Variants in NAV2 observed in about 807,000 individuals in gnomAD.
NAV2 encodes neuron navigator 2, also known as helicase, APC down-regulated 1.
NAV2 carries 54 observed loss-of-function variants against 223.2 expected under a neutral mutation model. The observed-to-expected ratio is 0.24, with a 90% confidence interval of 0.19 to 0.30. The LOEUF is 0.30. NAV2 is among the 10% of genes least tolerant of loss of function. The pLI is 1.00. For missense variants in NAV2, 2,806 were observed against 3,147.5 expected (o/e 0.89, Z 2.60); for synonymous variants, 1,279 against 1,239.3 (o/e 1.03, Z -0.67).
At chr11:19,848,994 G>A (rs1181953716) in intron 3 of NAV2, among the ~76,000 whole-genome samples, 3 of 152,168 alleles carry the variant, frequency 2.0e-5, no homozygotes, top group African/African-American at 7.2e-5. Flanking sequence ...AAATGTGGAA[G>A]AGAACAACAC....
At chr11:20,002,667 C>T (rs1458117890) in intron 11 of NAV2, among the ~76,000 whole-genome samples, 1 of 152,084 alleles carries the variant, frequency 6.6e-6, no homozygotes, top group East Asian at 1.9e-4. Context: ...TCTGGGAAAT[C>T]CTATCGTTGA....
At chr11:19,864,837 T>A (rs2061992823) in intron 3 of NAV2, among the ~76,000 whole-genome samples, 1 of 152,160 alleles carries the variant, frequency 6.6e-6, no homozygotes, top group Admixed American at 6.5e-5. Flanking sequence ...CTGCCCCTTT[T>A]CTTTACCTCC....
chr11:19,464,493 C>T (rs1852279124), intron 1 of NAV2, among the ~76,000 whole-genome samples: 1 of 152,198 alleles, frequency 6.6e-6, no homozygotes, highest in Non-Finnish European at 1.5e-5. Context: ...TCAGACTTGT[C>T]CTACTCCTGG....
At chr11:19,601,972 C>A (rs776865820) in intron 1 of NAV2, among the ~76,000 whole-genome samples, 4 of 152,154 alleles carry the variant, frequency 2.6e-5, no homozygotes, top group Non-Finnish European at 5.9e-5. Flanking sequence ...CAGCTCTGAG[C>A]CTAGATGACC....
chr11:19,812,409 T>A (rs571331325), intron 1 of NAV2, among the ~76,000 whole-genome samples: 1 of 152,226 alleles, frequency 6.6e-6, no homozygotes, highest in South Asian at 2.1e-4. Flanking sequence ...TATTATTCTC[T>A]AATATTAGTT....
At chr11:19,439,025 C>A (rs1851308764) in intron 1 of NAV2, among the ~76,000 whole-genome samples, 2 of 152,122 alleles carry the variant, frequency 1.3e-5, no homozygotes. Flanking sequence ...TTGCTCCAAT[C>A]CTCTAATTGC....
At chr11:19,483,989 T>A (rs1432264438) in intron 1 of NAV2, among the ~76,000 whole-genome samples, 1 of 151,972 alleles carries the variant, frequency 6.6e-6, no homozygotes, top group East Asian at 1.9e-4. Context: ...CCCTCTGGAG[T>A]GTCACAGACC....
chr11:19,874,830 C>T (rs1276600076), intron 4 of NAV2, among the ~76,000 whole-genome samples: 1 of 152,162 alleles, frequency 6.6e-6, no homozygotes, highest in African/African-American at 2.4e-5. Flanking sequence ...GCTCTAACAT[C>T]GATGAACCTT....
chr11:19,586,196 C>G (rs113862340), intron 1 of NAV2, among the ~76,000 whole-genome samples: 1 of 152,266 alleles, frequency 6.6e-6, no homozygotes, highest in African/African-American at 2.4e-5. Context: ...GTGCATTCGT[C>G]GCATAGTTCT....
In NAV2 at chr11:19,942,005, T is replaced by C. The variant is rs373822247; in HGVS notation, c.2146+2232T>C. Among the ~76,000 whole-genome samples, 13 of 152,338 alleles carry C rather than the reference T, an allele frequency of 8.5e-5. No homozygotes were observed. The East Asian group carries it at 2.3e-3, about 27-fold the overall frequency. ...TTGATATCCTCCAAGCTCAGTCATA[T>C]TTGGTCACAATGCGATGCTCTCCCA... On this transcript the variant is annotated intron_variant, in intron 8 of 37. Transcript: ENST00000349880.
At chr11:19,523,800 T>A (rs1356129813) in intron 1 of NAV2, among the ~76,000 whole-genome samples, 4 of 152,194 alleles carry the variant, frequency 2.6e-5, no homozygotes, top group Admixed American at 2.6e-4. Flanking sequence ...TATACCCCAG[T>A]GTCTTCACTC....
At chr11:20,054,928 T>C (rs764493661) in intron 18 of NAV2, among the ~76,000 whole-genome samples, 7 of 152,130 alleles carry the variant, frequency 4.6e-5, no homozygotes, top group Non-Finnish European at 1.0e-4. Flanking sequence ...AAGCTGAATA[T>C]AATTAGATAG....
At chr11:19,661,448 C>G (rs2048280933) in intron 1 of NAV2, among the ~76,000 whole-genome samples, 1 of 151,986 alleles carries the variant, frequency 6.6e-6, no homozygotes, top group Non-Finnish European at 1.5e-5. Flanking sequence ...AACATCGTAA[C>G]AATAAAAGGC....
At chr11:19,380,152 G>A (rs1049530521) in intron 1 of NAV2, among the ~76,000 whole-genome samples, 7 of 152,034 alleles carry the variant, frequency 4.6e-5, no homozygotes, top group Non-Finnish European at 8.8e-5. Flanking sequence ...ATCTTTTTAT[G>A]CAAAGAAATA....
At chr11:19,961,631 C>T (rs1038367363) in intron 10 of NAV2, among the ~76,000 whole-genome samples, 3 of 152,168 alleles carry the variant, frequency 2.0e-5, no homozygotes, top group Admixed American at 1.3e-4. Flanking sequence ...TCTTGATTGG[C>T]AGCTGTGACC....
intron 5 of NAV2, among the ~76,000 whole-genome samples, chr11:19,891,350 T>C (rs1313998596): frequency 6.6e-6 from 1 of 152,212 alleles, no homozygotes; most frequent in Non-Finnish European, 1.5e-5. Flanking sequence ...CTTTCAACTT[T>C]AATTATTGGA....
intron 24 of NAV2, among the ~76,000 whole-genome samples, chr11:20,078,847 A>G (rs2062807033): frequency 1.3e-5 from 2 of 152,202 alleles, no homozygotes; most frequent in South Asian, 2.1e-4. Flanking sequence ...TAACAATAAT[A>G]TTAACAGTAA....
intron 37 of NAV2, 36 bp from the exon 38 acceptor site, chr11:20,118,097 C>G (rs2063282953): frequency 1.2e-6 from 2 of 1,600,566 alleles, no homozygotes; most frequent in African/African-American, 2.7e-5. Flanking sequence ...GCCAACTAGA[C>G]AGAAAGCAGC....
chr11:19,979,715 C>A (rs1348828451), intron 10 of NAV2, among the ~76,000 whole-genome samples: 1 of 152,212 alleles, frequency 6.6e-6, no homozygotes, highest in Non-Finnish European at 1.5e-5. Context: ...GGTCTTGCCA[C>A]TCCTGTAAGC....
Sources: gnomAD v4.1 joint callset for allele counts (sites outside exome capture counted in the v4.1 genomes callset) on GRCh38, gnomAD v4.1.1 for gene constraint, MANE v1.5 for transcripts, NCBI Gene and HGNC (gene_info 2026-07-23, HGNC 2026-07-21) for gene names.